The following RABGAP1 variants were observed in gnomAD, a reference collection of about 807,000 sequenced individuals.
RABGAP1 encodes rab GTPase-activating protein 1.
Under a neutral mutation model 137.6 loss-of-function variants are expected in RABGAP1, and 23 were observed. That is an observed-to-expected ratio of 0.17 (90% CI 0.12 to 0.24). The LOEUF (loss-of-function observed/expected upper bound fraction) is 0.24. Ranked by LOEUF, RABGAP1 falls within the 10% of genes least tolerant of loss-of-function variation. The pLI, the probability that RABGAP1 is intolerant of heterozygous loss-of-function variation, is 1.00. For missense variants in RABGAP1, 906 were observed against 1,275.8 expected (o/e 0.71, Z 4.42); for synonymous variants, 451 against 450.7 (o/e 1.00, Z -0.01).
At chr9:123,057,077 C>T (rs1213250275) in intron 13 of RABGAP1, among the ~76,000 whole-genome samples, 4 of 150,824 alleles carry the variant, frequency 2.7e-5, no homozygotes, top group Non-Finnish European at 4.4e-5. Flanking sequence ...CCTCACCTCC[C>T]GGACGGGGCG....
At chr9:123,027,133 G>A (rs1424525132) in intron 13 of RABGAP1, among the ~76,000 whole-genome samples, 39 of 141,996 alleles carry the variant, frequency 2.7e-4, no homozygotes, top group Non-Finnish European at 5.3e-4. Flanking sequence ...TTTTTGAGAC[G>A]GACTCTCGCT....
chr9:123,010,508 C>T lies in RABGAP1; in HGVS notation c.1529C>T (p.Pro510Leu), dbSNP rs1261741398. 1.9e-6 allele frequency: 3 copies of T among 1,613,528 alleles called. No homozygotes were observed. Among genetic ancestry groups the T allele is most frequent in the Non-Finnish European group, 2.5e-6 (3 of 1,179,636 alleles). The change falls in exon 11 of 26, where the codon CCA becomes CTA. Residue 510 changes from proline to leucine, a missense_variant. By Grantham distance (98) the Pro-to-Leu change is moderately conservative (BLOSUM62 -3). Transcript: ENST00000373647. Reference sequence around the variant, plus strand: ...CAAAGTTCAGTGATACCTTCTCCTCCAGAAGATGATGAAGAGGAAGGTAAA... The same window carrying T: ...CAAAGTTCAGTGATACCTTCTCCTCTAGAAGATGATGAAGAGGAAGGTAAA... ...GSQSSVIPSP[P>L]EDDEEEDNDE...
rs1350545909 is a variant in RABGAP1 at position 123,070,394 on chromosome 9, G to T, written c.1953G>T (p.Gln651His). Residue 651 changes from glutamine to histidine, a missense_variant, in exon 15 of 26, where the codon CAG becomes CAT. Around this residue, in one of 9 missense-constraint regions of RABGAP1, gnomAD observed 30 missense variants for 105.8 expected, o/e 0.28. Coordinates refer to ENST00000373647, the MANE Select transcript of RABGAP1 (RefSeq NM_012197.4). This position sits in a 1 kb window ranked among gnomAD's most constrained non-coding sequence, Gnocchi z 4.4. The part of the protein sequence containing the change: ...YDEEIGYCQG[Q>H]SFLAAVLLLH... ...AAGAGATTGGTTATTGCCAGGGCCA[G>T]TCATTTCTTGCTGCTGTGCTCCTTC... 1.2e-6 allele frequency: 2 copies of T among 1,614,084 alleles called. No individual in the cohort carries two copies. The highest frequency in any genetic ancestry group is 3.3e-5 in the Admixed American group (2 of 60,012).
intron 19 of RABGAP1, among the ~76,000 whole-genome samples, chr9:123,082,915 G>T (rs774494203): frequency 1.3e-4 from 20 of 152,290 alleles, no homozygotes; most frequent in Middle Eastern, 3.4e-3. Flanking sequence ...TTCATTCTCT[G>T]TTCAAATTGT....
At chr9:123,063,897 C>T (rs559401805) in intron 13 of RABGAP1, among the ~76,000 whole-genome samples, 22 of 152,202 alleles carry the variant, frequency 1.4e-4, no homozygotes, top group African/African-American at 5.1e-4. Context: ...TCCAGCTTGT[C>T]GTTTATTTAT....
chr9:123,074,225 TC>T, intron 16 of RABGAP1, 59 bp from the exon 17 acceptor site: 2 of 1,587,146 alleles, frequency 1.3e-6, no homozygotes, highest in Non-Finnish European at 1.7e-6. Context: ...TTTATGAGCC[TC>T]CTTAGTGGGA....
chr9:122,954,428 A>G (rs1218406358), intron 1 of RABGAP1, among the ~76,000 whole-genome samples: 1 of 152,248 alleles, frequency 6.6e-6, no homozygotes, highest in Non-Finnish European at 1.5e-5. Context: ...CAAATAATAA[A>G]GTATTTTATA....
chr9:123,057,653 T>C lies in RABGAP1; in HGVS notation c.1795-7695T>C, dbSNP rs1476513923. ...GCTCCTCACTTCCCAGACAGGGTGG[T>C]GGCCGGGCAGAGGCTGCAATCTCGG... On this transcript the variant is annotated intron_variant, in intron 13 of 25. Coordinates refer to ENST00000373647, the MANE Select transcript of RABGAP1 (RefSeq NM_012197.4). Among the ~76,000 whole-genome samples, 4 of 151,904 alleles carry C rather than the reference T, an allele frequency of 2.6e-5. No homozygotes were observed. The East Asian group carries it at 5.8e-4, about 22-fold the overall frequency.
chr9:122,937,603 A>C (rs1296576445), upstream of RABGAP1: 2 of 149,762 alleles, frequency 1.3e-5, no homozygotes, highest in Non-Finnish European at 3.0e-5. Context: ...TCTCCAAAAA[A>C]AAACAAACAA....
intron 10 of RABGAP1, among the ~76,000 whole-genome samples, chr9:123,004,303 G>GC (rs1428824813): frequency 6.7e-6 from 1 of 149,522 alleles, no homozygotes; most frequent in Non-Finnish European, 1.5e-5. Flanking sequence ...CGTCTTTTTT[G>GC]TTTTTTTTTT....
intron 3 of RABGAP1, among the ~76,000 whole-genome samples, chr9:122,985,611 CAAAAAAAAAAA>C (rs34147826): frequency 1.5e-3 from 137 of 91,120 alleles, no homozygotes; most frequent in African/African-American, 5.3e-3. Flanking sequence ...GACTCCGTCT[CAAAAAAAAAAA>C]AAAAAAAAAA....
chr9:122,935,748 T>C, the RABGAP1 span, among the ~76,000 whole-genome samples: 1 of 152,246 alleles, frequency 6.6e-6, no homozygotes, highest in African/African-American at 2.4e-5. Flanking sequence ...TGTATTTGAC[T>C]TACTAGAGAT....
At chr9:123,066,288 G>A (rs958486858) in intron 14 of RABGAP1, among the ~76,000 whole-genome samples, 1 of 152,120 alleles carries the variant, frequency 6.6e-6, no homozygotes, top group Non-Finnish European at 1.5e-5. Flanking sequence ...CTTTTACATA[G>A]GATACAGATT....
rs914292244 is a variant in RABGAP1 at position 122,984,529 on chromosome 9, A to G, written c.195A>G (p.Ala65=). 6 of 1,614,208 alleles carry G rather than the reference A, an allele frequency of 3.7e-6. No homozygotes were observed. The highest frequency in any genetic ancestry group is 4.2e-6 in the Non-Finnish European group (5 of 1,180,028). Residue 65 remains alanine (A), a synonymous_variant, in exon 3 of 26, where the codon GCA becomes GCG. Coordinates refer to ENST00000373647, the MANE Select transcript of RABGAP1 (RefSeq NM_012197.4). ...AACAGCAGCTGCAAAAAGAGCTAGCAGATGTACTGATGGATCCTCCAATGG... is the reference window on the plus strand; with the variant it reads ...AACAGCAGCTGCAAAAAGAGCTAGCGGATGTACTGATGGATCCTCCAATGG... ...GSEQQLQKEL[A]DVLMDPPMDD...
At chr9:123,012,469 G>T (rs2030887618) in intron 11 of RABGAP1, among the ~76,000 whole-genome samples, 1 of 152,220 alleles carries the variant, frequency 6.6e-6, no homozygotes, top group African/African-American at 2.4e-5. Flanking sequence ...ATATCTGCTG[G>T]TTACAAAGAA....
chr9:122,933,203 G>A, the RABGAP1 span, among the ~76,000 whole-genome samples: 1 of 152,020 alleles, frequency 6.6e-6, no homozygotes, highest in Non-Finnish European at 1.5e-5. Context: ...TTGTAGAACT[G>A]TTTATTTCTC....
chr9:122,990,799 ATATATATAT>A (rs1836676581), intron 6 of RABGAP1: 19 of 41,796 alleles, frequency 4.5e-4, no homozygotes, highest in African/African-American at 1.9e-3. Flanking sequence ...AAAAAAAAAT[ATATATATAT>A]ATATATATAT....
At chr9:123,018,193 A>G (rs1407134845) in intron 12 of RABGAP1, among the ~76,000 whole-genome samples, 1 of 152,150 alleles carries the variant, frequency 6.6e-6, no homozygotes, top group Non-Finnish European at 1.5e-5. Context: ...ACAGGGTTTC[A>G]CCGTGTTAGC....
chr9:123,102,292 G>A (rs1439343826), intron 25 of RABGAP1, among the ~76,000 whole-genome samples: 1 of 152,182 alleles, frequency 6.6e-6, no homozygotes, highest in African/African-American at 2.4e-5. Flanking sequence ...TGATAAAGAA[G>A]TTAGGGCTTG....
Sources: allele counts gnomAD v4.1 joint callset (sites outside exome capture counted in the v4.1 genomes callset), GRCh38; gene constraint gnomAD v4.1.1; regional missense constraint gnomAD v4.1.1; non-coding constraint Gnocchi (gnomAD v3.1); transcripts MANE v1.5; gene names NCBI Gene and HGNC (gene_info 2026-07-23, HGNC 2026-07-21).